The following ROR1 variants were observed in gnomAD, a reference collection of about 807,000 sequenced individuals.
The protein encoded by ROR1 is inactive tyrosine-protein kinase transmembrane receptor ROR1.
A neutral mutation model predicts 78.8 loss-of-function variants in ROR1; 19 were observed. The observed-to-expected ratio is 0.24, with a 90% confidence interval of 0.17 to 0.35. ROR1 has a LOEUF of 0.35. Among genes scored for constraint, ROR1 ranks in the 10% least tolerant of loss-of-function variants. ROR1 has a pLI of 1.00. For synonymous variants in ROR1, 386 were observed against 433.6 expected (o/e 0.89, Z 1.36); for missense variants, 917 against 1,177.8 (o/e 0.78, Z 3.24).
rs940107225 is a variant in ROR1 at position 63,971,553 on chromosome 1, G to A, written c.92-37752G>A. 2.0e-5 allele frequency among the ~76,000 whole-genome samples: 3 copies of A among 152,110 alleles called. No individual in the cohort carries two copies. The South Asian group carries it at 6.2e-4, about 32-fold the overall frequency. On this transcript the variant is annotated intron_variant, in intron 1 of 8. Transcript: ENST00000371079. ...TACCAGTTCTTTCATCTCATTATGG[G>A]CTTTAATATATATATGTATTACTCA...
At chr1:64,146,346 T>C (rs926845904) in intron 7 of ROR1, among the ~76,000 whole-genome samples, 6 of 152,082 alleles carry the variant, frequency 3.9e-5, no homozygotes, top group Non-Finnish European at 8.8e-5. Context: ...TGTGGTGGCA[T>C]GCACCTGTAA....
intron 1 of ROR1, among the ~76,000 whole-genome samples, chr1:63,821,223 C>T (rs1644921583): frequency 1.3e-5 from 2 of 152,158 alleles, no homozygotes. Flanking sequence ...CATTGATGAG[C>T]TTCAGAAAGT....
chr1:64,155,257 A>C (rs562601848), intron 7 of ROR1, among the ~76,000 whole-genome samples: 9 of 152,332 alleles, frequency 5.9e-5, no homozygotes, highest in Non-Finnish European at 1.0e-4. Context: ...TTAGTTTTCT[A>C]ATTTTTCATT....
chr1:63,832,510 G>A (rs946076364), intron 1 of ROR1, among the ~76,000 whole-genome samples: 6 of 152,154 alleles, frequency 3.9e-5, no homozygotes, highest in South Asian at 2.1e-4. Flanking sequence ...TGAGATTTGG[G>A]TGGGGACACA....
At chr1:64,164,634 G>A (rs1191019764) in intron 8 of ROR1, among the ~76,000 whole-genome samples, 2 of 151,968 alleles carry the variant, frequency 1.3e-5, no homozygotes, top group Admixed American at 6.6e-5. Context: ...GTGTACAAGG[G>A]CAGGTTTGTT....
In ROR1 at chr1:63,774,507, A is replaced by T; in HGVS notation, c.90A>T (p.Gln30His). Residue 30 changes from glutamine (Q) to histidine (H), a missense_variant and splice_region_variant, in exon 1 of 9, where the codon CAA (glutamine) becomes CAT (histidine). By Grantham distance (24) the Gln-to-His change is conservative (BLOSUM62 0). Coordinates refer to ENST00000371079, the MANE Select transcript of ROR1 (RefSeq NM_005012.4). This position sits in a 1 kb window ranked among gnomAD's most constrained non-coding sequence, Gnocchi z 5.7. ...TGGCCGCACGCGGGGCTGCTGCCCA[A>T]GGTAAGAGGCGCCCGCCGGCCCCCG... ...LLLAARGAAA[Q>H]ETELSVSAEL... The T allele has an allele frequency of 8.9e-7, 1 of 1,126,218 alleles. No homozygotes were observed. The highest frequency in any genetic ancestry group is 1.1e-6 in the Non-Finnish European group (1 of 923,474). 69.8% of individuals were successfully genotyped at this position (1,126,218 alleles called of 1,614,324 possible).
chr1:63,864,660 A>T (rs1037907943), intron 1 of ROR1, among the ~76,000 whole-genome samples: 2 of 152,122 alleles, frequency 1.3e-5, no homozygotes, highest in Admixed American at 6.6e-5. Flanking sequence ...ATAGCTCCCC[A>T]TTGAACAAGT....
chr1:63,797,682 T>C (rs1320251025), intron 1 of ROR1, among the ~76,000 whole-genome samples: 2 of 152,226 alleles, frequency 1.3e-5, no homozygotes, highest in Non-Finnish European at 2.9e-5. Flanking sequence ...ATATTGTATC[T>C]CAGGTTGCTG....
intron 1 of ROR1, among the ~76,000 whole-genome samples, chr1:63,797,516 C>T (rs1644768665): frequency 6.6e-6 from 1 of 152,212 alleles, no homozygotes; most frequent in Non-Finnish European, 1.5e-5. Flanking sequence ...ACTCCATTTA[C>T]AGGTGAACAC....
At chr1:63,992,532 G>T (rs1202598173) in intron 1 of ROR1, among the ~76,000 whole-genome samples, 2 of 152,144 alleles carry the variant, frequency 1.3e-5, no homozygotes, top group African/African-American at 2.4e-5. Flanking sequence ...GCAGACTTCT[G>T]CTCAGGGTAT....
chr1:64,150,947 C>G (rs112747346), intron 7 of ROR1, among the ~76,000 whole-genome samples: 12 of 152,278 alleles, frequency 7.9e-5, no homozygotes, highest in Non-Finnish European at 1.8e-4. Flanking sequence ...TTGGGCTCAC[C>G]ACCATGCCAG....
intron 4 of ROR1, among the ~76,000 whole-genome samples, chr1:64,098,858 G>A (rs942446): frequency 0.39 from 60,019 of 152,066 alleles, 13,312 homozygotes; most frequent in Non-Finnish European, 0.51. Flanking sequence ...ATAAATAGTT[G>A]CCCCAACAAT....
intron 1 of ROR1, among the ~76,000 whole-genome samples, chr1:63,891,547 G>A (rs867528847): frequency 1.8e-4 from 28 of 152,120 alleles, no homozygotes; most frequent in Admixed American, 6.5e-5. Flanking sequence ...GGAGGCCCAG[G>A]TAACTGGTAA....
At chr1:64,051,464 AAATAAAAT>A (rs1557627939) in intron 4 of ROR1, among the ~76,000 whole-genome samples, 40 of 145,070 alleles carry the variant, frequency 2.8e-4, no homozygotes, top group African/African-American at 5.0e-4. Flanking sequence ...ATAAAAAATA[AAATAAAAT>A]AAAATAAAAT....
chr1:64,119,460 G>A (rs1043906135), intron 4 of ROR1, among the ~76,000 whole-genome samples: 1 of 151,966 alleles, frequency 6.6e-6, no homozygotes, highest in African/African-American at 2.4e-5. Flanking sequence ...CCAACATGGT[G>A]AAACCTCGTC....
At chr1:63,896,935 A>G (rs1035103219) in intron 1 of ROR1, among the ~76,000 whole-genome samples, 5 of 152,232 alleles carry the variant, frequency 3.3e-5, no homozygotes, top group African/African-American at 4.8e-5. Context: ...TTTGAGGTTA[A>G]TAATAACTAC....
intron 8 of ROR1, among the ~76,000 whole-genome samples, chr1:64,175,107 A>G (rs1457589428): frequency 6.6e-6 from 1 of 151,784 alleles, no homozygotes; most frequent in Non-Finnish European, 1.5e-5. Flanking sequence ...GAAAAATTTT[A>G]AAGCATAGAA....
rs72297365 is a variant in ROR1 at position 63,787,438 on chromosome 1, T to TTTCCTTCCTTCCTTCC, written c.91+12960_91+12975dup. Reference sequence around the variant, plus strand: ...TCTCCCTGTAGAACTATTGCCTTTCTTTCCTTCCTTCCTTCCTTCCTTCCT... The same window carrying TTTCCTTCCTTCCTTCC: ...TCTCCCTGTAGAACTATTGCCTTTCTTTCCTTCCTTCCTTCCTTCCTTCCTTCCTTCCTTCCTTCCT... On this transcript the variant is annotated intron_variant, in intron 1 of 8. Transcript: ENST00000371079. Among the ~76,000 whole-genome samples, 716 of 127,776 alleles carry TTTCCTTCCTTCCTTCC rather than the reference T, an allele frequency of 5.6e-3. 8 individuals carry two copies. The highest frequency in any genetic ancestry group is 6.5e-3 in the Non-Finnish European group (394 of 60,798). 83.8% of individuals were successfully genotyped at this position (127,776 alleles called of 152,430 possible).
intron 1 of ROR1, among the ~76,000 whole-genome samples, chr1:63,911,699 A>G (rs1039493667): frequency 1.3e-5 from 2 of 152,116 alleles, no homozygotes; most frequent in Non-Finnish European, 2.9e-5. Context: ...TTGTGTCATT[A>G]CGTTGTTTGT....
Sources: allele counts gnomAD v4.1 joint callset (sites outside exome capture counted in the v4.1 genomes callset), GRCh38; gene constraint gnomAD v4.1.1; non-coding constraint Gnocchi (gnomAD v3.1); transcripts MANE v1.5; gene names NCBI Gene and HGNC (gene_info 2026-07-23, HGNC 2026-07-21).